CCR1: variants seen among roughly 807,000 people sequenced by gnomAD.
The protein encoded by CCR1 is C-C motif chemokine receptor 1.
CCR1 carries 1 observed loss-of-function variant against 0.3 expected under a neutral mutation model. The observed-to-expected ratio is 3.70, with a 90% CI of 1.31 to 17.54. The LOEUF (loss-of-function observed/expected upper bound fraction) is 17.54. Ranked by LOEUF, CCR1 falls within the 30% of genes most tolerant of loss-of-function variation. CCR1 has a pLI of 0.11. For missense variants in CCR1, 349 were observed against 435.4 expected, an observed-to-expected ratio of 0.80 and a Z score of 1.77; for synonymous variants, 207 against 182.5, an observed-to-expected ratio of 1.13 and a Z score of -1.08.
At chr3:46,204,464 C>A in intron 1 of CCR1, 140 bp from the exon 2 acceptor site, 1 of 584,844 alleles carries the variant, frequency 1.7e-6, no homozygotes, top group South Asian at 2.5e-5. Context: ...GTGTACCATG[C>A]CCTGGGGACA....
Position 46,202,488 on chromosome 3 carries a change from T to G in CCR1, c.*758A>C, listed in dbSNP as rs2125920229. The G allele has an allele frequency of 6.6e-6, 1 of 152,336 alleles. No homozygotes were observed. Among genetic ancestry groups the G allele is most frequent in the African/African-American group, 2.4e-5 (1 of 41,578 alleles). The allele number at this position is 152,336 out of a possible 1,614,324, so 9.4% of individuals were successfully genotyped here. A position where few individuals can be genotyped will look rare whatever the true frequency, so the allele number is the denominator to read the frequency against. ...TGGCTATTTTAAGAAGCACACCATG[T>G]TATTCATATGGCCCGTGCTTAGCCC... On this transcript the variant is annotated 3_prime_UTR_variant, in exon 2 of 2. Transcript: ENST00000296140.
rs1699619466 is a variant in CCR1, at chr3:46,203,680, A to G, written c.634T>C (p.Leu212=). 5 of 1,614,094 alleles carry G rather than the reference A, an allele frequency of 3.1e-6. No individual in the cohort carries two copies. Among genetic ancestry groups the G allele is most frequent in the Non-Finnish European group, 4.2e-6 (5 of 1,180,032 alleles). Residue 212 remains leucine, a synonymous_variant, in exon 2 of 2, where the codon TTG becomes CTG. Transcript: ENST00000296140. The surrounding 1 kb of genome is among the most constrained non-coding windows in gnomAD (Gnocchi z 4.5). Reference sequence around the variant, plus strand: ...GTGTAGCAGATGATCATGACCAACAAAGGCAATACCAGCCCAAAGAGGTTC... The same window carrying G: ...GTGTAGCAGATGATCATGACCAACAGAGGCAATACCAGCCCAAAGAGGTTC... ...KLNLFGLVLP[L]LVMIICYTGI...
At chr3:46,204,675 C>T (rs1227851169) in intron 1 of CCR1, among the ~76,000 whole-genome samples, 1 of 152,184 alleles carries the variant, frequency 6.6e-6, no homozygotes, top group Non-Finnish European at 1.5e-5. Context: ...TTCCTAAGCA[C>T]CCCCATGGCC....
chr3:46,204,317 G>T lies in CCR1; in HGVS notation c.-4C>A. Reference sequence around the variant, plus strand: ...CTGTGGTGTTTGGAGTTTCCATCCCGGCTTCTCCTACAGGTTAAAAAAAAA... The same window carrying T: ...CTGTGGTGTTTGGAGTTTCCATCCCTGCTTCTCCTACAGGTTAAAAAAAAA... On this transcript the variant is annotated 5_prime_UTR_variant, in exon 2 of 2. Transcript: ENST00000296140. The T allele has an allele frequency of 6.5e-7, 1 of 1,547,974 alleles. No homozygotes were observed. Among genetic ancestry groups the T allele is most frequent in the Non-Finnish European group, 8.7e-7 (1 of 1,150,534 alleles).
At chr3:46,207,877 T>C (rs1699660932) in intron 1 of CCR1, among the ~76,000 whole-genome samples, 1 of 152,266 alleles carries the variant, frequency 6.6e-6, no homozygotes, top group South Asian at 2.1e-4. Context: ...CTTGACCTCA[T>C]GATCCACCTG....
chr3:46,204,125 C>T lies in CCR1; in HGVS notation c.189G>A (p.Lys63=), dbSNP rs376679531. 2.5e-6 allele frequency: 4 copies of T among 1,614,066 alleles called. No homozygotes were observed. Among genetic ancestry groups the T allele is most frequent in the African/African-American group, 1.3e-5 (1 of 74,932 alleles). The change falls in exon 2 of 2, where the codon AAG becomes AAA. Residue 63 remains lysine, a synonymous_variant. Coordinates refer to ENST00000296140, the MANE Select transcript of CCR1 (RefSeq NM_001295.3). ...ILVVLVLVQY[K]RLKNMTSIYL... ...AGATGCTGGTCATGTTTTTTAGCCT[C>T]TTGTATTGCACAAGGACCAGGACCA... is the stretch of plus-strand genomic sequence containing the variant.
intron 1 of CCR1, among the ~76,000 whole-genome samples, chr3:46,206,093 G>A (rs3176826): frequency 0.069 from 10,463 of 152,226 alleles, 585 homozygotes; most frequent in South Asian, 0.27. Flanking sequence ...TGACCCAAAT[G>A]CCAATCAGTA....
At chr3:46,204,638 C>G (rs886519689) in intron 1 of CCR1, among the ~76,000 whole-genome samples, 4 of 152,144 alleles carry the variant, frequency 2.6e-5, no homozygotes, top group Non-Finnish European at 4.4e-5. Context: ...CAGAGGGAGA[C>G]CTTACCATAC....
chr3:46,204,500 T>C (rs1035137172), intron 1 of CCR1, among the ~76,000 whole-genome samples, 176 bp from the exon 2 acceptor site: 1 of 152,190 alleles, frequency 6.6e-6, no homozygotes, highest in East Asian at 1.9e-4. Flanking sequence ...GAGACCCAGA[T>C]CCTCTCTGCC....
rs575710143 is a variant in CCR1 at position 46,201,950 on chromosome 3, T to G, written c.*1296A>C. On this transcript the variant is annotated 3_prime_UTR_variant, in exon 2 of 2. Coordinates refer to ENST00000296140, the MANE Select transcript of CCR1 (RefSeq NM_001295.3). Reference sequence around the variant, plus strand: ...GGTTTTTCTTTGAATTTTTAAGCTGTTTTAGAAATAAGTTTTGTTATTAGG... The same window carrying G: ...GGTTTTTCTTTGAATTTTTAAGCTGGTTTAGAAATAAGTTTTGTTATTAGG... 6.6e-6 allele frequency: 1 copy of G among 152,358 alleles called. No homozygotes were observed. The highest frequency in any genetic ancestry group is 1.9e-4 in the East Asian group (1 of 5,192). 9.4% of individuals were successfully genotyped at this position (152,358 alleles called of 1,614,324 possible).
rs868558713 is a variant in CCR1 at position 46,204,003 on chromosome 3, G to A, written c.311C>T (p.Ala104Val). 1 of 1,614,208 alleles carries A rather than the reference G, an allele frequency of 6.2e-7. No individual in the cohort carries two copies. ...KLKDDWVFGDAMCKILSGFYY... is the reference protein window; with the variant it reads ...KLKDDWVFGDVMCKILSGFYY... ...AAACCCAGAGAGGATCTTACACATG[G>A]CATCACCAAAAACCCAGTCATCCTT... Residue 104 changes from alanine (A) to valine (V), a missense_variant, in exon 2 of 2, where the codon GCC becomes GTC. Transcript: ENST00000296140.
rs1699599837 is a variant in CCR1 at position 46,202,008 on chromosome 3, G to A, written c.*1238C>T. ...TTTTTAAAGAAATATACATCTGAGGGAAAAGAGAACAAAGGCATGATAAAT... is the reference window on the plus strand; with the variant it reads ...TTTTTAAAGAAATATACATCTGAGGAAAAAGAGAACAAAGGCATGATAAAT... On this transcript the variant is annotated 3_prime_UTR_variant, in exon 2 of 2. Coordinates refer to ENST00000296140, the MANE Select transcript of CCR1 (RefSeq NM_001295.3). The A allele has an allele frequency of 6.6e-6, 1 of 152,126 alleles. No individual in the cohort carries two copies. The highest frequency in any genetic ancestry group is 2.4e-5 in the African/African-American group (1 of 41,406). 9.4% of individuals were successfully genotyped at this position (152,126 alleles called of 1,614,324 possible). A position where few individuals can be genotyped will look rare whatever the true frequency, so the allele number is the denominator to read the frequency against.
In CCR1 at chr3:46,204,078, G is replaced by A. The variant is rs1305447959; in HGVS notation, c.236C>T (p.Ser79Phe). The A allele has an allele frequency of 6.2e-7, 1 of 1,614,200 alleles. No individual in the cohort carries two copies. Among genetic ancestry groups the A allele is most frequent in the Non-Finnish European group, 8.5e-7 (1 of 1,180,038 alleles). Residue 79 changes from serine (S) to phenylalanine (F), a missense_variant, in exon 2 of 2, where the codon TCT becomes TTT. Ser to Phe is a radical substitution (Grantham distance 155, BLOSUM62 -2). Coordinates refer to ENST00000296140, the MANE Select transcript of CCR1 (RefSeq NM_001295.3). ...TSIYLLNLAI[S>F]DLLFLFTLPF... is the part of the protein sequence containing the mutation. The stretch of plus-strand genomic sequence containing the variant: ...AAGCGTGAACAGGAAGAGCAGGTCA[G>A]AAATGGCCAGGTTCAGGAGGTAGAT...
chr3:46,202,531 A>T lies in CCR1; in HGVS notation c.*715T>A, dbSNP rs1041800916. On this transcript the variant is annotated 3_prime_UTR_variant, in exon 2 of 2. Transcript: ENST00000296140. ...CTTAGCCCACTCCCTGAATTGTTTG[A>T]TTTTAGTGGATATAAAAATTCTTCC... The T allele has an allele frequency of 3.3e-5, 5 of 152,112 alleles. No homozygotes were observed. The highest frequency in any genetic ancestry group is 3.3e-4 in the Admixed American group (5 of 15,282). The allele number at this position is 152,112 out of a possible 1,614,324, so 9.4% of individuals were successfully genotyped here.
chr3:46,206,925 C>G (rs1028293481), intron 1 of CCR1, among the ~76,000 whole-genome samples: 1 of 152,192 alleles, frequency 6.6e-6, no homozygotes, highest in Non-Finnish European at 1.5e-5. Context: ...TTGGTGAAGT[C>G]TCTGAGCAGA....
Position 46,202,782 on chromosome 3 carries a change from C to CGGGGGGGGGGGGGTGGG in CCR1, c.*463_*464insCCCACCCCCCCCCCCCC, listed in dbSNP as rs1369711659. 1 of 66,616 alleles carries CGGGGGGGGGGGGGTGGG rather than the reference C, an allele frequency of 1.5e-5. No homozygotes were observed. Among genetic ancestry groups the CGGGGGGGGGGGGGTGGG allele is most frequent in the African/African-American group, 5.8e-5 (1 of 17,160 alleles). 4.1% of individuals were successfully genotyped at this position (66,616 alleles called of 1,614,324 possible). A position where few individuals can be genotyped will look rare whatever the true frequency, so the allele number is the denominator to read the frequency against. ...AAGTTCTTTGGCAGTGGGAGGGTGG[C>CGGGGGGGGGGGGGTGGG]GGGGGGGGGGAGGTGATGGAAGAAC... On this transcript the variant is annotated 3_prime_UTR_variant, in exon 2 of 2. Transcript: ENST00000296140.
Position 46,203,274 on chromosome 3 carries a change from C to G in CCR1, c.1040G>C (p.Gly347Ala). The G allele has an allele frequency of 6.2e-7, 1 of 1,613,986 alleles. No homozygotes were observed. Among genetic ancestry groups the G allele is most frequent in the Non-Finnish European group, 8.5e-7 (1 of 1,179,916 alleles). Reference protein sequence around the residue: ...ERVSSTSPSTGEHELSAGF With the variant: ...ERVSSTSPSTAEHELSAGF Reference sequence around the variant, plus strand: ...GAACCCAGCAGAGAGTTCATGCTCCCCTGTGGAGGGAGATGTGGAGCTGAC... The same window carrying G: ...GAACCCAGCAGAGAGTTCATGCTCCGCTGTGGAGGGAGATGTGGAGCTGAC... Residue 347 changes from glycine to alanine, a missense_variant, in exon 2 of 2, where the codon GGG becomes GCG. Gly to Ala is a moderately conservative substitution (Grantham distance 60, BLOSUM62 0). Transcript: ENST00000296140. This position sits in a 1 kb window ranked among gnomAD's most constrained non-coding sequence, Gnocchi z 4.5.
rs1453872207 is a variant in CCR1, at chr3:46,203,453, C to T, written c.861G>A (p.Glu287=). The change falls in exon 2 of 2, where the codon GAG becomes GAA. Residue 287 remains glutamate, a synonymous_variant. Transcript: ENST00000296140. This position sits in a 1 kb window ranked among gnomAD's most constrained non-coding sequence, Gnocchi z 4.5. ...CACAGCAGTGCGTGTAGGCGATCAC[C>T]TCCGTCACTTGCACAGCCAGGTCCA... ...RHLDLAVQVT[E]VIAYTHCCVN... The T allele has an allele frequency of 6.2e-7, 1 of 1,614,186 alleles. No homozygotes were observed.
chr3:46,206,211 T>G (rs1001099189), intron 1 of CCR1, among the ~76,000 whole-genome samples: 2 of 152,136 alleles, frequency 1.3e-5, no homozygotes, highest in Non-Finnish European at 2.9e-5. Flanking sequence ...TCACATTTTT[T>G]TCAATAGCCA....
Sources: allele counts gnomAD v4.1 joint callset (sites outside exome capture counted in the v4.1 genomes callset), GRCh38; gene constraint gnomAD v4.1.1; non-coding constraint Gnocchi (gnomAD v3.1); transcripts MANE v1.5; gene names NCBI Gene and HGNC (gene_info 2026-07-23, HGNC 2026-07-21).